The following SLCO1C1 variants were observed in gnomAD, a reference collection of about 807,000 sequenced individuals.
SLCO1C1 encodes the protein solute carrier organic anion transporter family member 1C1.
SLCO1C1 carries 70 observed loss-of-function variants against 76.4 expected under a neutral mutation model. The ratio of observed to expected loss-of-function variants is 0.92; its 90% CI spans 0.76 to 1.12. The LOEUF is 1.12. SLCO1C1 is among the 50% of genes most tolerant of loss of function. SLCO1C1 has a pLI of 0.00. For synonymous variants in SLCO1C1, 306 were observed against 286.1 expected (o/e 1.07, Z -0.70); for missense variants, 912 against 823.8 (o/e 1.11, Z -1.31).
At position 20,713,229 on chromosome 12, in the gene SLCO1C1, G is replaced by A. The variant is rs1440528994; in HGVS notation, c.529+1719G>A. On this transcript the variant is annotated intron_variant, in intron 5 of 14. Coordinates refer to ENST00000266509, the MANE Select transcript of SLCO1C1 (RefSeq NM_017435.5). ...CGAGTAGCTGGGACTACAGGCGCCC[G>A]CTACCACGCCCGGCTAATTTTTTGT... 5.3e-5 allele frequency among the ~76,000 whole-genome samples: 8 copies of A among 151,644 alleles called. No homozygotes were observed. In the East Asian group the frequency reaches 1.2e-3, roughly 22 times the overall value.
chr12:20,706,039 T>G lies in SLCO1C1; in HGVS notation c.362T>G (p.Val121Gly). The G allele has an allele frequency of 1.2e-6, 2 of 1,613,130 alleles. No homozygotes were observed. Among genetic ancestry groups the G allele is most frequent in the Non-Finnish European group, 1.7e-6 (2 of 1,179,402 alleles). ...GGAGCAGGGTGTGTAATCATGGGAG[T>G]TGGAACACTGCTCATTGCAATGCCT... is the stretch of plus-strand genomic sequence containing the variant. Reference protein sequence around the residue: ...IIGAGCVIMGVGTLLIAMPQF... With the variant: ...IIGAGCVIMGGGTLLIAMPQF... The change falls in exon 4 of 15, where the codon GTT becomes GGT. Residue 121 changes from valine to glycine, a missense_variant. By Grantham distance (109) the Val-to-Gly change is moderately radical (BLOSUM62 -3). Transcript: ENST00000266509.
At chr12:20,740,925 C>T (rs777710040) in intron 12 of SLCO1C1, among the ~76,000 whole-genome samples, 1 of 150,138 alleles carries the variant, frequency 6.7e-6, no homozygotes, top group East Asian at 2.0e-4. Flanking sequence ...TGTATTATTC[C>T]ATTTTCACAC....
At position 20,726,201 on chromosome 12, in the gene SLCO1C1, ATAT is replaced by A. The variant is rs1265088216; in HGVS notation, c.1186+2952_1186+2954del. Among the ~76,000 whole-genome samples, 9 of 152,126 alleles carry A rather than the reference ATAT, an allele frequency of 5.9e-5. No homozygotes were observed. The South Asian group carries it at 1.7e-3, about 28-fold the overall frequency. ...AATGCGTATATCTGTCGTTCAATAA[ATAT>A]TATTTCTCTCTTTCTTTTCTTCTTC... On this transcript the variant is annotated intron_variant, in intron 9 of 14. Coordinates refer to ENST00000266509, the MANE Select transcript of SLCO1C1 (RefSeq NM_017435.5).
At chr12:20,725,298 T>C (rs1398629807) in intron 9 of SLCO1C1, among the ~76,000 whole-genome samples, 3 of 142,890 alleles carry the variant, frequency 2.1e-5, no homozygotes, top group Non-Finnish European at 3.0e-5. Context: ...TTATTTATAA[T>C]ATATTATAGC....
intron 13 of SLCO1C1, 36 bp from the exon 14 acceptor site, chr12:20,750,637 CAT>C (rs768729946): frequency 6.4e-7 from 1 of 1,558,420 alleles, no homozygotes; most frequent in Admixed American, 1.7e-5. Context: ...AAAAGATGTG[CAT>C]ATGTTTTTAA....
intron 9 of SLCO1C1, among the ~76,000 whole-genome samples, chr12:20,732,191 C>T (rs1466290181): frequency 6.6e-6 from 1 of 152,172 alleles, no homozygotes; most frequent in Non-Finnish European, 1.5e-5. Flanking sequence ...TACTATTTCC[C>T]AAACCCCTGA....
At chr12:20,743,264 G>T in intron 12 of SLCO1C1, 41 bp from the exon 13 acceptor site, 1 of 1,564,272 alleles carries the variant, frequency 6.4e-7, no homozygotes, top group South Asian at 1.1e-5. Flanking sequence ...TTGCTTTAAT[G>T]GATTATATAT....
chr12:20,701,356 A>G lies in SLCO1C1; in HGVS notation c.168A>G (p.Lys56=). 6.5e-7 allele frequency: 1 copy of G among 1,538,754 alleles called. No individual in the cohort carries two copies. Among genetic ancestry groups the G allele is most frequent in the Non-Finnish European group, 8.9e-7 (1 of 1,127,256 alleles). The stretch of plus-strand genomic sequence containing the variant: ...CCTTGTCTTTTGTTTACTTTGCCAA[A>G]GCATTGGCAGAAGGCTATCTGAAGA... ...LCALSFVYFA[K]ALAEGYLKST... is the part of the protein sequence containing the mutation. Residue 56 remains lysine, a synonymous_variant, in exon 3 of 15, where the codon AAA becomes AAG. Coordinates refer to ENST00000266509, the MANE Select transcript of SLCO1C1 (RefSeq NM_017435.5).
intron 6 of SLCO1C1, among the ~76,000 whole-genome samples, chr12:20,716,264 C>CT (rs1335322129): frequency 6.6e-6 from 1 of 152,170 alleles, no homozygotes; most frequent in Non-Finnish European, 1.5e-5. Context: ...GCAACAAACA[C>CT]TTCATCACCT....
intron 10 of SLCO1C1, among the ~76,000 whole-genome samples, chr12:20,736,509 T>C (rs1948550001): frequency 6.6e-6 from 1 of 152,114 alleles, no homozygotes; most frequent in Non-Finnish European, 1.5e-5. Flanking sequence ...AAGAGCACTA[T>C]ACACTGGGAG....
At chr12:20,701,229 T>C in intron 2 of SLCO1C1, 89 bp from the exon 3 acceptor site, 1 of 1,243,768 alleles carries the variant, frequency 8.0e-7, no homozygotes, top group Non-Finnish European at 1.1e-6. Flanking sequence ...TTCTTTGTTG[T>C]TTGTTTTGTA....
intron 6 of SLCO1C1, among the ~76,000 whole-genome samples, chr12:20,715,515 T>C (rs1947323138): frequency 6.6e-6 from 1 of 152,206 alleles, no homozygotes; most frequent in Non-Finnish European, 1.5e-5. Flanking sequence ...AGAAAATAAC[T>C]GCGAGCTTAG....
chr12:20,707,585 C>G (rs1358891288), intron 4 of SLCO1C1, among the ~76,000 whole-genome samples: 2 of 152,072 alleles, frequency 1.3e-5, no homozygotes, highest in Non-Finnish European at 1.5e-5. Context: ...AAAATAATTC[C>G]TAGCTGATAA....
At chr12:20,714,677 A>T (rs188445897) in intron 5 of SLCO1C1, among the ~76,000 whole-genome samples, 1 of 152,340 alleles carries the variant, frequency 6.6e-6, no homozygotes, top group Non-Finnish European at 1.5e-5. Flanking sequence ...TTTCAGATAA[A>T]ACTGGGTCAA....
intron 12 of SLCO1C1, among the ~76,000 whole-genome samples, chr12:20,741,167 G>A (rs1428069224): frequency 6.6e-6 from 1 of 151,830 alleles, no homozygotes; most frequent in Non-Finnish European, 1.5e-5. Flanking sequence ...AACAGCATGG[G>A]GGAGCCACAC....
chr12:20,706,225 CACA>C (rs774081097), intron 4 of SLCO1C1, 144 bp downstream of exon 4: 66 of 1,082,030 alleles, frequency 6.1e-5, no homozygotes, highest in Middle Eastern at 4.6e-4. Flanking sequence ...GATAAAATTT[CACA>C]ACAATTTTAT....
intron 11 of SLCO1C1, among the ~76,000 whole-genome samples, chr12:20,739,469 C>T (rs535291806): frequency 2.3e-4 from 34 of 150,280 alleles, no homozygotes; most frequent in African/African-American, 4.9e-4. Flanking sequence ...AAAGTATGGA[C>T]GCCAGCTGTG....
intron 10 of SLCO1C1, among the ~76,000 whole-genome samples, chr12:20,736,300 T>A (rs1161869745): frequency 7.1e-6 from 1 of 141,538 alleles, no homozygotes; most frequent in Non-Finnish European, 1.6e-5. Flanking sequence ...AAGAATGCAA[T>A]CACAATTTTG....
chr12:20,737,789 GT>G (rs1948617042), intron 11 of SLCO1C1, among the ~76,000 whole-genome samples: 1 of 152,128 alleles, frequency 6.6e-6, no homozygotes, highest in South Asian at 2.1e-4. Context: ...GAAAGGGCAG[GT>G]GGGCTGGAAT....
Sources: gnomAD v4.1 joint callset for allele counts (sites outside exome capture counted in the v4.1 genomes callset) on GRCh38, gnomAD v4.1.1 for gene constraint, MANE v1.5 for transcripts, NCBI Gene and HGNC (gene_info 2026-07-23, HGNC 2026-07-21) for gene names.